DDX19A: variants seen among roughly 807,000 people sequenced by gnomAD.
DDX19A encodes ATP-dependent RNA helicase DDX19A.
In DDX19A, 12 loss-of-function variants were observed where a neutral mutation model predicts 60.6. The observed-to-expected ratio is 0.20, with a 90% CI of 0.13 to 0.32. DDX19A has a LOEUF of 0.32. Among genes scored for constraint, DDX19A ranks in the 10% least tolerant of loss-of-function variants. The pLI is 1.00. For synonymous variants in DDX19A, 206 were observed against 218.2 expected, an observed-to-expected ratio of 0.94 and a Z score of 0.49; for missense variants, 337 against 600.6, an observed-to-expected ratio of 0.56 and a Z score of 4.59.
At chr16:70,364,494 T>TA (rs766021349) in intron 5 of DDX19A, 49 bp from the exon 6 acceptor site, 36 of 1,389,728 alleles carry the variant, frequency 2.6e-5, no homozygotes, top group Non-Finnish European at 3.4e-5. Context: ...TTTGACATGT[T>TA]ACTGAGTTTC....
chr16:70,366,699 A>G lies in DDX19A; in HGVS notation c.858A>G (p.Lys286=). 1 of 1,614,234 alleles carries G rather than the reference A, an allele frequency of 6.2e-7. No homozygotes were observed. The highest frequency in any genetic ancestry group is 8.5e-7 in the Non-Finnish European group (1 of 1,180,046). ...ACTCTGTGTGGAAGTTTGCCCAGAA[A>G]GTGGTCCCAGACCCAAATGTTATCA... ...FEDSVWKFAQ[K]VVPDPNVIKL... Residue 286 remains lysine (K), a synonymous_variant, in exon 9 of 12, where the codon AAA becomes AAG. Transcript: ENST00000302243.
At chr16:70,369,906 C>A (rs1964632815) in intron 9 of DDX19A, among the ~76,000 whole-genome samples, 1 of 152,132 alleles carries the variant, frequency 6.6e-6, no homozygotes, top group Admixed American at 6.6e-5. Flanking sequence ...CCACCATGCC[C>A]AGCCAGGTAC....
intron 9 of DDX19A, among the ~76,000 whole-genome samples, chr16:70,368,659 A>G (rs890466755): frequency 1.4e-5 from 2 of 148,062 alleles, no homozygotes; most frequent in Non-Finnish European, 3.0e-5. Context: ...CAATTCTCCT[A>G]CCTCAACCTC....
Position 70,364,634 on chromosome 16 carries a change from A to G in DDX19A, c.478A>G (p.Arg160Gly). The G allele has an allele frequency of 6.2e-7, 1 of 1,614,094 alleles. No individual in the cohort carries two copies. The highest frequency in any genetic ancestry group is 8.5e-7 in the Non-Finnish European group (1 of 1,179,920). ...GCTCAGCCGAGTGGAGCCATCAGAC[A>G]GATACCCCCAGGTGAGGGCTTGCGG... ...AMLSRVEPSD[R>G]YPQCLCLSPT... Residue 160 changes from arginine (R) to glycine (G), a missense_variant, in exon 6 of 12, where the codon AGA becomes GGA. Arg to Gly is a moderately radical substitution (Grantham distance 125). This residue lies in a region of DDX19A where 62 missense variants were observed against 75.7 expected (regional missense o/e 0.82). Coordinates refer to ENST00000302243, the MANE Select transcript of DDX19A (RefSeq NM_018332.5).
chr16:70,357,362 GTTTGTTTTTTTTTTTT>G (rs1964234995), intron 4 of DDX19A, among the ~76,000 whole-genome samples: 4 of 48,876 alleles, frequency 8.2e-5, no homozygotes, highest in African/African-American at 3.2e-4. Flanking sequence ...TCTGTTTTTG[GTTTGTTTTTTTTTTTT>G]TTTTTTTTTT....
intron 3 of DDX19A, 129 bp downstream of exon 3, chr16:70,355,664 G>T: frequency 1.3e-6 from 1 of 777,922 alleles, no homozygotes; most frequent in Non-Finnish European, 2.2e-6. Flanking sequence ...TCAGTGAGAG[G>T]AGGAGAACAA....
intron 5 of DDX19A, among the ~76,000 whole-genome samples, chr16:70,362,268 C>T: frequency 6.7e-6 from 1 of 149,720 alleles, no homozygotes; most frequent in East Asian, 2.0e-4. Flanking sequence ...ATTGCTTGAA[C>T]CCCAGAGGCA....
At position 70,366,607 on chromosome 16, in the gene DDX19A, C is replaced by G; in HGVS notation, c.783-17C>G. 1 of 1,614,040 alleles carries G rather than the reference C, an allele frequency of 6.2e-7. No homozygotes were observed. The highest frequency in any genetic ancestry group is 1.1e-5 in the South Asian group (1 of 91,076). ...CCAGGGCCACCTGGGGCCATCTACC[C>G]GGGCCTTCCCTTGCAGGATGCTGCC... On this transcript the variant is annotated splice_polypyrimidine_tract_variant and intron_variant, in intron 8 of 11. Coordinates refer to ENST00000302243, the MANE Select transcript of DDX19A (RefSeq NM_018332.5).
chr16:70,357,366 GTTT>G lies in DDX19A; in HGVS notation c.293+1153_293+1155del, dbSNP rs71151183. 2.2e-3 allele frequency among the ~76,000 whole-genome samples: 98 copies of G among 44,574 alleles called. 9 individuals are homozygous for G. The highest frequency in any genetic ancestry group is 8.0e-3 in the African/African-American group (90 of 11,254). The allele number at this position is 44,574 out of a possible 152,430, so 29.2% of individuals were successfully genotyped here. On this transcript the variant is annotated intron_variant, in intron 4 of 11. Transcript: ENST00000302243. Reference sequence around the variant, plus strand: ...AATCTGTCAAATCTGTTTTTGGTTTGTTTTTTTTTTTTTTTTTTTTTTTTTTTT... The same window carrying G: ...AATCTGTCAAATCTGTTTTTGGTTTGTTTTTTTTTTTTTTTTTTTTTTTTT...
chr16:70,355,606 C>G, intron 3 of DDX19A, 71 bp downstream of exon 3: 2 of 1,191,154 alleles, frequency 1.7e-6, no homozygotes, highest in Non-Finnish European at 2.5e-6. Context: ...GCCAGGGGCA[C>G]TCCAAGCTAC....
chr16:70,369,438 G>A (rs776241956), intron 9 of DDX19A, among the ~76,000 whole-genome samples: 6 of 149,680 alleles, frequency 4.0e-5, no homozygotes, highest in African/African-American at 7.4e-5. Context: ...TCGGCCTCCC[G>A]AAGTGCTGGG....
chr16:70,366,010 G>C (rs575675204), intron 7 of DDX19A, 75 bp from the exon 8 acceptor site: 1 of 1,607,324 alleles, frequency 6.2e-7, no homozygotes, highest in Non-Finnish European at 8.5e-7. Flanking sequence ...AGTCCTAGAA[G>C]GATGGGCAGG....
At chr16:70,369,596 ATTTTCTTTTTT>A (rs1964622038) in intron 9 of DDX19A, among the ~76,000 whole-genome samples, 4 of 141,580 alleles carry the variant, frequency 2.8e-5, no homozygotes, top group Admixed American at 7.0e-5. Context: ...TGTGGTATAA[ATTTTCTTTTTT>A]TTTTCTTTTC....
At chr16:70,366,384 G>C (rs1964520284) in intron 8 of DDX19A, 122 bp downstream of exon 8, 3 of 1,440,890 alleles carry the variant, frequency 2.1e-6, no homozygotes, top group South Asian at 1.3e-5. Context: ...AGCAGCATTT[G>C]TTTGACGGGC....
At chr16:70,361,999 C>T (rs886083702) in intron 5 of DDX19A, among the ~76,000 whole-genome samples, 12 of 151,302 alleles carry the variant, frequency 7.9e-5, no homozygotes, top group Non-Finnish European at 1.8e-4. Context: ...GGTGAAACCC[C>T]GTCTTACTAA....
At chr16:70,369,204 G>A (rs1964609986) in intron 9 of DDX19A, among the ~76,000 whole-genome samples, 1 of 85,102 alleles carries the variant, frequency 1.2e-5, no homozygotes, top group African/African-American at 5.7e-5. Context: ...TTTTTGAAAC[G>A]GAATCTCGCC....
chr16:70,361,483 A>T lies in DDX19A; in HGVS notation c.359A>T (p.Asn120Ile), dbSNP rs1268337306. The T allele has an allele frequency of 6.2e-7, 1 of 1,613,550 alleles. No individual in the cohort carries two copies. The highest frequency in any genetic ancestry group is 8.5e-7 in the Non-Finnish European group (1 of 1,179,608). Residue 120 changes from asparagine (N) to isoleucine (I), a missense_variant, in exon 5 of 12, where the codon AAC becomes ATC. Coordinates refer to ENST00000302243, the MANE Select transcript of DDX19A (RefSeq NM_018332.5). ...GFNRPSKIQE[N>I]ALPMMLAEPP... ...AATCGACCCTCCAAGATACAAGAGA[A>T]CGCATTACCCATGATGCTTGCTGAA...
At chr16:70,360,400 A>G (rs1367702666) in intron 4 of DDX19A, among the ~76,000 whole-genome samples, 2 of 142,774 alleles carry the variant, frequency 1.4e-5, no homozygotes, top group African/African-American at 5.3e-5. Context: ...GGCTCGCTAT[A>G]GTCTCTAACT....
chr16:70,364,109 A>C (rs1297193140), intron 5 of DDX19A: 1 of 155,562 alleles, frequency 6.4e-6, no homozygotes, highest in African/African-American at 2.4e-5. Context: ...GTTCCCTCTA[A>C]AACATCCACC....
Sources: gnomAD v4.1 joint callset for allele counts (sites outside exome capture counted in the v4.1 genomes callset) on GRCh38, gnomAD v4.1.1 for gene constraint, gnomAD v4.1.1 regional missense constraint, MANE v1.5 for transcripts, NCBI Gene and HGNC (gene_info 2026-07-23, HGNC 2026-07-21) for gene names.